Variants in HEG1 observed in about 807,000 individuals in gnomAD.
HEG1 encodes heart development protein with EGF like domains 1, also known as protein HEG homolog 1.
HEG1 carries 56 observed loss-of-function variants against 125.6 expected under a neutral mutation model. The observed-to-expected ratio is 0.45, with a 90% CI of 0.36 to 0.56. The LOEUF is 0.56. Among genes scored for constraint, HEG1 ranks in the 20% least tolerant of loss-of-function variants. HEG1 has a pLI of 0.00. For missense variants in HEG1, 1,523 were observed against 1,670.0 expected (o/e 0.91, Z 1.53); for synonymous variants, 644 against 668.5 (o/e 0.96, Z 0.57).
intron 1 of HEG1, among the ~76,000 whole-genome samples, chr3:125,040,535 G>A (rs570453465): frequency 3.9e-5 from 6 of 152,242 alleles, no homozygotes; most frequent in East Asian, 1.9e-4. Context: ...CTGCCTCCCC[G>A]GTAGAGCATT....
Position 124,967,405 on chromosome 3 carries a change from G to C in HEG1, c.*3247C>G, listed in dbSNP as rs1248581947. 1 of 146,512 alleles carries C rather than the reference G, an allele frequency of 6.8e-6. No individual in the cohort carries two copies. The highest frequency in any genetic ancestry group is 2.1e-4 in the East Asian group (1 of 4,874). 9.1% of individuals were successfully genotyped at this position (146,512 alleles called of 1,614,324 possible). Reference sequence around the variant, plus strand: ...TATTTTCTTAATGACAAGTGTCTAAGAATTACATATAAAAAACAATCTGAA... The same window carrying C: ...TATTTTCTTAATGACAAGTGTCTAACAATTACATATAAAAAACAATCTGAA... On this transcript the variant is annotated 3_prime_UTR_variant, in exon 17 of 17. Coordinates refer to ENST00000311127, the MANE Select transcript of HEG1 (RefSeq NM_020733.2).
intron 1 of HEG1, among the ~76,000 whole-genome samples, chr3:125,031,417 G>A (rs991184271): frequency 3.3e-5 from 5 of 152,198 alleles, no homozygotes; most frequent in Non-Finnish European, 7.3e-5. Flanking sequence ...GAGCAAGGGT[G>A]AGGACAGGGC....
At chr3:125,051,420 C>T (rs1389807852) in intron 1 of HEG1, among the ~76,000 whole-genome samples, 1 of 152,180 alleles carries the variant, frequency 6.6e-6, no homozygotes, top group Non-Finnish European at 1.5e-5. Context: ...AAAACTGAGA[C>T]CTCCTGATAT....
At chr3:124,977,740 G>T in intron 15 of HEG1, 119 bp downstream of exon 15, 1 of 534,826 alleles carries the variant, frequency 1.9e-6, no homozygotes, top group Non-Finnish European at 3.1e-6. Flanking sequence ...AAATGGGTTA[G>T]TCACACATTA....
intron 12 of HEG1, among the ~76,000 whole-genome samples, chr3:124,992,103 T>C (rs1287096416): frequency 6.6e-6 from 1 of 152,190 alleles, no homozygotes; most frequent in Non-Finnish European, 1.5e-5. Flanking sequence ...GGTGACATCT[T>C]CTGGGGCACA....
At chr3:125,051,442 C>A (rs1463943432) in intron 1 of HEG1, among the ~76,000 whole-genome samples, 1 of 152,224 alleles carries the variant, frequency 6.6e-6, no homozygotes, top group African/African-American at 2.4e-5. Flanking sequence ...GTGGGACAAG[C>A]ACATGGATTT....
rs1236069092 is a variant in HEG1, at chr3:125,001,619, C to G, written c.3517+233G>C. 2.6e-5 allele frequency among the ~76,000 whole-genome samples: 4 copies of G among 152,298 alleles called. No individual in the cohort carries two copies. In the South Asian group the frequency reaches 8.3e-4, roughly 32 times the overall value. On this transcript the variant is annotated intron_variant, in intron 11 of 16. Coordinates refer to ENST00000311127, the MANE Select transcript of HEG1 (RefSeq NM_020733.2). The stretch of plus-strand genomic sequence containing the variant: ...ACAGAAGGAGCTGCATGCCAAGGAC[C>G]AGGTGTCTTCAAGGCTTGTGTACAG...
intron 1 of HEG1, among the ~76,000 whole-genome samples, chr3:125,040,393 C>T (rs1351376285): frequency 6.6e-6 from 1 of 152,064 alleles, no homozygotes; most frequent in African/African-American, 2.4e-5. Context: ...GGCAGTGAGA[C>T]CAGCCCTACA....
intron 14 of HEG1, among the ~76,000 whole-genome samples, chr3:124,978,321 G>A (rs1344923261): frequency 6.6e-6 from 1 of 152,074 alleles, no homozygotes; most frequent in Non-Finnish European, 1.5e-5. Flanking sequence ...CTAATTTTTT[G>A]TATTTTTAGT....
chr3:124,997,797 G>C lies in HEG1; in HGVS notation c.3544C>G (p.Pro1182Ala). 6.3e-7 allele frequency: 1 copy of C among 1,587,436 alleles called. No homozygotes were observed. Among genetic ancestry groups the C allele is most frequent in the African/African-American group, 1.3e-5 (1 of 74,524 alleles). ...ATGGAGGTGTCTTTGTCACATTCGG[G>C]ACTCTTCCGCTTGCACAAGCTGCCC... ...RAGSLCKRKS[P>A]ECDKDTSICT... The change falls in exon 12 of 17, where the codon CCC (proline) becomes GCC (alanine). Residue 1182 changes from proline to alanine, a missense_variant. Coordinates refer to ENST00000311127, the MANE Select transcript of HEG1 (RefSeq NM_020733.2).
chr3:125,008,242 T>A (rs370900124), intron 8 of HEG1, among the ~76,000 whole-genome samples: 6 of 152,350 alleles, frequency 3.9e-5, no homozygotes, highest in Admixed American at 2.6e-4. Context: ...TTGACTGATG[T>A]CTCTATTTCT....
At chr3:124,985,657 T>C (rs1936726225) in intron 14 of HEG1, among the ~76,000 whole-genome samples, 1 of 152,218 alleles carries the variant, frequency 6.6e-6, no homozygotes, top group Non-Finnish European at 1.5e-5. Context: ...TTTTACGTGT[T>C]TAAAAAATTA....
Position 125,013,914 on chromosome 3 carries a change from GGTGTGGTCT to G in HEG1, c.1656_1664del (p.Asp553_Thr555del), listed in dbSNP as rs1361653542. The G allele has an allele frequency of 1.2e-6, 2 of 1,613,904 alleles. No homozygotes were observed. The highest frequency in any genetic ancestry group is 1.7e-6 in the Non-Finnish European group (2 of 1,179,844). ...CTTTGGTGAAAGTAGATGACAGGTAGGTGTGGTCTGTGTGGTCGCTGGAAGTCCTTTGTT... is the reference window on the plus strand; with the variant it reads ...CTTTGGTGAAAGTAGATGACAGGTAGGTGTGGTCGCTGGAAGTCCTTTGTT... On this transcript the variant is annotated inframe_deletion, in exon 6 of 17. Coordinates refer to ENST00000311127, the MANE Select transcript of HEG1 (RefSeq NM_020733.2).
rs773479870 is a variant in HEG1 at position 124,973,910 on chromosome 3, G to A, written c.3822-5C>T. 2.8e-5 allele frequency: 44 copies of A among 1,597,692 alleles called. No homozygotes were observed. In the East Asian group the frequency reaches 9.0e-4, roughly 33 times the overall value. On this transcript the variant is annotated splice_polypyrimidine_tract_variant and splice_region_variant and intron_variant, in intron 15 of 16. Transcript: ENST00000311127. ...CTTATGTCATTTTTATTCTTTCTGT[G>A]GGATACAAAAATATTTGTAAAGCTC...
chr3:125,023,504 T>G (rs931935911), intron 3 of HEG1, among the ~76,000 whole-genome samples: 4 of 152,214 alleles, frequency 2.6e-5, no homozygotes, highest in Non-Finnish European at 5.9e-5. Flanking sequence ...TTGGGCGAAG[T>G]ACATTGTATA....
intron 16 of HEG1, among the ~76,000 whole-genome samples, chr3:124,972,534 A>T (rs1936464786): frequency 6.6e-6 from 1 of 152,180 alleles, no homozygotes; most frequent in Non-Finnish European, 1.5e-5. Flanking sequence ...TGTCCCTCCC[A>T]TCCAAAGTCT....
intron 1 of HEG1, among the ~76,000 whole-genome samples, chr3:125,045,316 C>T (rs764513712): frequency 1.9e-4 from 29 of 152,214 alleles, no homozygotes; most frequent in Admixed American, 4.6e-4. Flanking sequence ...GGCCTCCTGG[C>T]AAAATCAGCT....
chr3:125,012,568 C>T, intron 6 of HEG1, 55 bp downstream of exon 6: 1 of 1,513,466 alleles, frequency 6.6e-7, no homozygotes, highest in South Asian at 1.3e-5. Flanking sequence ...CCATGTAGCT[C>T]TCAGTGCTGG....
intron 1 of HEG1, among the ~76,000 whole-genome samples, chr3:125,038,387 C>T (rs1937565774): frequency 6.6e-6 from 1 of 152,174 alleles, no homozygotes; most frequent in Admixed American, 6.5e-5. Context: ...AGAACAATAT[C>T]CCACTGTCCC....
Sources: gnomAD v4.1 joint callset for allele counts (sites outside exome capture counted in the v4.1 genomes callset) on GRCh38, gnomAD v4.1.1 for gene constraint, MANE v1.5 for transcripts, NCBI Gene and HGNC (gene_info 2026-07-23, HGNC 2026-07-21) for gene names.